HS3ST3B1: variants seen among roughly 807,000 people sequenced by gnomAD.
The protein encoded by HS3ST3B1 is heparan sulfate glucosamine 3-O-sulfotransferase 3B1.
In HS3ST3B1, 13 loss-of-function variants were observed where a neutral mutation model predicts 21.3. That is an observed-to-expected ratio of 0.61 (90% CI 0.40 to 0.97). The LOEUF (loss-of-function observed/expected upper bound fraction) is 0.97. HS3ST3B1 is among the 50% of genes least tolerant of loss of function. The pLI is 0.00. For synonymous variants in HS3ST3B1, 234 were observed against 254.8 expected (o/e 0.92, Z 0.78); for missense variants, 459 against 554.8 (o/e 0.83, Z 1.73).
chr17:14,301,564 G>T lies in HS3ST3B1; in HGVS notation c.46G>T (p.Gly16Cys). The T allele has an allele frequency of 6.3e-7, 1 of 1,592,726 alleles. No individual in the cohort carries two copies. Among genetic ancestry groups the T allele is most frequent in the Middle Eastern group, 1.7e-4 (1 of 6,012 alleles). Residue 16 changes from glycine to cysteine, a missense_variant, in exon 1 of 2, where the codon GGC (glycine) becomes TGC (cysteine). Physicochemically the swap from Gly to Cys is radical, Grantham distance 159. This residue lies in a region of HS3ST3B1 where 317 missense variants were observed against 278.6 expected (regional missense o/e 1.14). Coordinates refer to ENST00000360954, the MANE Select transcript of HS3ST3B1 (RefSeq NM_006041.3). ...CGGCAGATCTTGCCTCGATGTCCCC[G>T]GCCGGCTCCTACCGCAGCCGCCGCC... ...SGGRSCLDVP[G>C]RLLPQPPPPP...
chr17:14,307,306 A>G (rs1909165832), intron 1 of HS3ST3B1, among the ~76,000 whole-genome samples: 2 of 152,140 alleles, frequency 1.3e-5, no homozygotes, highest in Non-Finnish European at 2.9e-5. Flanking sequence ...AATTTAGCAT[A>G]GACTAGTATT....
At chr17:14,326,048 T>C (rs1909807081) in intron 1 of HS3ST3B1, among the ~76,000 whole-genome samples, 1 of 152,092 alleles carries the variant, frequency 6.6e-6, no homozygotes, top group South Asian at 2.1e-4. Flanking sequence ...CGCACGTGTG[T>C]GCGTGTGTGT....
At chr17:14,330,596 G>A (rs2142344093) in intron 1 of HS3ST3B1, among the ~76,000 whole-genome samples, 1 of 138,144 alleles carries the variant, frequency 7.2e-6, no homozygotes, top group East Asian at 2.1e-4. Flanking sequence ...GCTTGCGGGT[G>A]GAGGTTTAGT....
intron 1 of HS3ST3B1, 96 bp downstream of exon 1, chr17:14,302,168 C>T: frequency 7.2e-7 from 1 of 1,388,242 alleles, no homozygotes. Context: ...AGGGTTACAG[C>T]TTCGGACCAC....
chr17:14,319,193 C>G (rs1435528359), intron 1 of HS3ST3B1, among the ~76,000 whole-genome samples: 1 of 152,212 alleles, frequency 6.6e-6, no homozygotes, highest in East Asian at 1.9e-4. Flanking sequence ...GACTTAGATT[C>G]TGTCTCACAC....
chr17:14,335,965 T>C (rs1409618825), intron 1 of HS3ST3B1, among the ~76,000 whole-genome samples: 1 of 152,216 alleles, frequency 6.6e-6, no homozygotes, highest in African/African-American at 2.4e-5. Flanking sequence ...TTTTACTATA[T>C]CTAAGTTAAA....
At chr17:14,305,831 G>A (rs1415797687) in intron 1 of HS3ST3B1, among the ~76,000 whole-genome samples, 14 of 152,146 alleles carry the variant, frequency 9.2e-5, no homozygotes. Context: ...ACTGTTTCAA[G>A]TTTTACAGGA....
rs149825260 is a variant in HS3ST3B1, at chr17:14,321,444, C to T, written c.554+19372C>T. ...TTGAGCTTGACTTCTGGCCTCTGAA[C>T]CTTTAGGATCAGCTCTCTTTTCCAT... On this transcript the variant is annotated intron_variant, in intron 1 of 1. Transcript: ENST00000360954. Among the ~76,000 whole-genome samples, 199 of 152,240 alleles carry T rather than the reference C, an allele frequency of 1.3e-3. 4 individuals are homozygous for T. In the East Asian group the frequency reaches 0.031, roughly 24 times the overall value.
chr17:14,320,163 G>C (rs1402359299), intron 1 of HS3ST3B1, among the ~76,000 whole-genome samples: 1 of 152,156 alleles, frequency 6.6e-6, no homozygotes, highest in South Asian at 2.1e-4. Flanking sequence ...TGAGAATAAA[G>C]GGAGGGGTGA....
At chr17:14,308,115 G>A (rs973856953) in intron 1 of HS3ST3B1, among the ~76,000 whole-genome samples, 3 of 152,162 alleles carry the variant, frequency 2.0e-5, no homozygotes, top group African/African-American at 7.2e-5. Context: ...GAACTCTCGG[G>A]TTTCTCTCAA....
intron 1 of HS3ST3B1, among the ~76,000 whole-genome samples, chr17:14,334,680 C>T (rs896458118): frequency 6.6e-6 from 1 of 152,182 alleles, no homozygotes; most frequent in Admixed American, 6.5e-5. Flanking sequence ...GTTGCATAAT[C>T]TATGGGTTTG....
intron 1 of HS3ST3B1, among the ~76,000 whole-genome samples, chr17:14,309,502 A>T (rs991382719): frequency 1.3e-5 from 2 of 149,896 alleles, no homozygotes; most frequent in Admixed American, 6.6e-5. Flanking sequence ...CGGAGAGACC[A>T]ATGGTGTTCC....
chr17:14,311,265 A>G (rs1379911386), intron 1 of HS3ST3B1, among the ~76,000 whole-genome samples: 3 of 148,854 alleles, frequency 2.0e-5, no homozygotes, highest in Admixed American at 6.7e-5. Context: ...AACTGTAGAG[A>G]TGAGATCTCA....
rs1248650196 is a variant in HS3ST3B1 at position 14,346,361 on chromosome 17, C to G, written c.*715C>G. On this transcript the variant is annotated 3_prime_UTR_variant, in exon 2 of 2. Coordinates refer to ENST00000360954, the MANE Select transcript of HS3ST3B1 (RefSeq NM_006041.3). ...TCTGGCTCCCGGTTCAAGCGATTCT[C>G]CTGTCTCAGCCTCCCAAGTATCTGG... 3 of 144,760 alleles carry G rather than the reference C, an allele frequency of 2.1e-5. No homozygotes were observed. Among genetic ancestry groups the G allele is most frequent in the African/African-American group, 7.7e-5 (3 of 39,100 alleles). The allele number at this position is 144,760 out of a possible 1,614,324, so 9.0% of individuals were successfully genotyped here. A position where few individuals can be genotyped will look rare whatever the true frequency, so the allele number is the denominator to read the frequency against.
intron 1 of HS3ST3B1, among the ~76,000 whole-genome samples, chr17:14,314,126 T>C (rs767247714): frequency 6.6e-6 from 1 of 151,976 alleles, no homozygotes; most frequent in Non-Finnish European, 1.5e-5. Context: ...ATTACAGGCA[T>C]GCACCACCAG....
At chr17:14,319,893 C>T (rs1393735697) in intron 1 of HS3ST3B1, among the ~76,000 whole-genome samples, 1 of 152,206 alleles carries the variant, frequency 6.6e-6, no homozygotes. Context: ...GCAATGTACA[C>T]TGTACCCAAT....
At chr17:14,302,441 G>A (rs1244547907) in intron 1 of HS3ST3B1, among the ~76,000 whole-genome samples, 1 of 152,128 alleles carries the variant, frequency 6.6e-6, no homozygotes, top group Non-Finnish European at 1.5e-5. Flanking sequence ...TTTCCTCCCG[G>A]AGCCCGAGAC....
chr17:14,301,972 G>A lies in HS3ST3B1; in HGVS notation c.454G>A (p.Ala152Thr). 6.2e-7 allele frequency: 1 copy of A among 1,608,814 alleles called. No individual in the cohort carries two copies. Among genetic ancestry groups the A allele is most frequent in the Non-Finnish European group, 8.5e-7 (1 of 1,178,380 alleles). The change falls in exon 1 of 2, where the codon GCG (alanine) becomes ACG (threonine). Residue 152 changes from alanine to threonine, a missense_variant. Ala to Thr is a moderately conservative substitution (Grantham distance 58, BLOSUM62 0). This residue lies in a region of HS3ST3B1 where 317 missense variants were observed against 278.6 expected (regional missense o/e 1.14). Transcript: ENST00000360954. ...IIGVKKGGTR[A>T]LLEFLRVHPD... ...CGGCGTGAAGAAGGGCGGCACGCGG[G>A]CGCTGCTGGAGTTTCTGCGCGTGCA...
At chr17:14,341,756 A>G (rs908879156) in intron 1 of HS3ST3B1, among the ~76,000 whole-genome samples, 1 of 152,186 alleles carries the variant, frequency 6.6e-6, no homozygotes, top group Non-Finnish European at 1.5e-5. Flanking sequence ...AATCGTGGTG[A>G]TAATGCTTTG....
Sources: gnomAD v4.1 joint callset for allele counts (sites outside exome capture counted in the v4.1 genomes callset) on GRCh38, gnomAD v4.1.1 for gene constraint, gnomAD v4.1.1 regional missense constraint, MANE v1.5 for transcripts, NCBI Gene and HGNC (gene_info 2026-07-23, HGNC 2026-07-21) for gene names.